Variants in LARGE1 observed in about 807,000 individuals in gnomAD.
LARGE1 encodes the protein xylosyl- and glucuronyltransferase LARGE1.
Under a neutral mutation model 87.6 loss-of-function variants are expected in LARGE1, and 43 were observed. The ratio of observed to expected loss-of-function variants is 0.49; its 90% CI spans 0.38 to 0.63. The LOEUF (loss-of-function observed/expected upper bound fraction) is 0.63, where lower values mean the gene tolerates loss of function less well. LARGE1 is among the 30% of genes least tolerant of loss of function. LARGE1 has a pLI of 0.00. For missense variants in LARGE1, 802 were observed against 1,000.2 expected (o/e 0.80, Z 2.67); for synonymous variants, 434 against 394.6 (o/e 1.10, Z -1.18).
chr22:33,674,893 A>T (rs141965498), intron 2 of LARGE1, among the ~76,000 whole-genome samples: 64 of 152,174 alleles, frequency 4.2e-4, no homozygotes, highest in African/African-American at 1.5e-3. Context: ...CTGAGTGCAG[A>T]AGTTTCAAAT....
At chr22:33,093,449 G>T in the LARGE1 span, among the ~76,000 whole-genome samples, 1 of 152,182 alleles carries the variant, frequency 6.6e-6, no homozygotes, top group Non-Finnish European at 1.5e-5. Context: ...TCATGGGAGA[G>T]GTAGAGGAGG....
intron 9 of LARGE1, among the ~76,000 whole-genome samples, chr22:33,364,735 T>C (rs1208184375): frequency 6.6e-6 from 1 of 152,132 alleles, no homozygotes; most frequent in Non-Finnish European, 1.5e-5. Flanking sequence ...TTTGTTTTGT[T>C]GCCCAGGTTG....
chr22:33,598,362 G>T (rs1230704143), intron 5 of LARGE1, among the ~76,000 whole-genome samples: 1 of 152,198 alleles, frequency 6.6e-6, no homozygotes, highest in African/African-American at 2.4e-5. Context: ...TAAAACATGA[G>T]AAATGAAGTA....
intron 2 of LARGE1, among the ~76,000 whole-genome samples, chr22:33,691,965 T>A (rs1020673355): frequency 1.3e-5 from 2 of 152,150 alleles, no homozygotes; most frequent in South Asian, 4.1e-4. Flanking sequence ...TCTCCCTCAT[T>A]ACATCACTGA....
the LARGE1 span, among the ~76,000 whole-genome samples, chr22:33,093,887 G>A: frequency 7.2e-6 from 1 of 138,226 alleles, no homozygotes; most frequent in Non-Finnish European, 1.5e-5. Flanking sequence ...GAGTGCAATG[G>A]TGCAATCTTA....
intron 5 of LARGE1, among the ~76,000 whole-genome samples, chr22:33,585,089 C>T (rs1466208352): frequency 1.3e-5 from 2 of 152,114 alleles, no homozygotes; most frequent in Non-Finnish European, 2.9e-5. Context: ...TGCATTCCAG[C>T]CTGGGTGACA....
intron 4 of LARGE1, among the ~76,000 whole-genome samples, chr22:33,606,650 C>T (rs1191621228): frequency 6.6e-6 from 1 of 151,982 alleles, no homozygotes; most frequent in Non-Finnish European, 1.5e-5. Context: ...GCATCTGTCC[C>T]GCAGTTGCTC....
At chr22:33,073,342 TA>T in the LARGE1 span, among the ~76,000 whole-genome samples, 2 of 152,322 alleles carry the variant, frequency 1.3e-5, no homozygotes, top group Middle Eastern at 3.4e-3. Context: ...TGCACACACG[TA>T]ACCCTGATTA....
At chr22:33,120,333 CTTTCTTTTTCTTTCT>C in the LARGE1 span, among the ~76,000 whole-genome samples, 2 of 148,408 alleles carry the variant, frequency 1.3e-5, no homozygotes, top group African/African-American at 2.5e-5. Context: ...TTCTTTCTTT[CTTTCTTTTTCTTTCT>C]TTTCTTTCTT....
At chr22:33,556,410 A>AT (rs1479223449) in intron 6 of LARGE1, among the ~76,000 whole-genome samples, 1 of 151,960 alleles carries the variant, frequency 6.6e-6, no homozygotes, top group Non-Finnish European at 1.5e-5. Flanking sequence ...GTCTCAGTTA[A>AT]TATTTTACCC....
At chr22:33,124,755 C>T in the LARGE1 span, among the ~76,000 whole-genome samples, 1 of 152,108 alleles carries the variant, frequency 6.6e-6, no homozygotes, top group East Asian at 1.9e-4. Flanking sequence ...TGATCCCAGC[C>T]CTTTGGGAAG....
chr22:33,067,840 C>G, the LARGE1 span, among the ~76,000 whole-genome samples: 339 of 152,104 alleles, frequency 2.2e-3, 4 homozygotes, highest in African/African-American at 7.9e-3. Context: ...ATTAGCCAGG[C>G]GTGGTGGCGG....
intron 11 of LARGE1, among the ~76,000 whole-genome samples, chr22:33,205,969 T>C (rs1478754585): frequency 1.4e-5 from 2 of 145,838 alleles, no homozygotes; most frequent in Non-Finnish European, 3.0e-5. Context: ...TTTTTTTTTT[T>C]TGTGAGAGGG....
chr22:33,630,997 C>T (rs1293900805), intron 3 of LARGE1, among the ~76,000 whole-genome samples: 1 of 151,876 alleles, frequency 6.6e-6, no homozygotes, highest in African/African-American at 2.4e-5. Flanking sequence ...GGACTACAGG[C>T]GCCTGCCACC....
chr22:33,779,741 G>A (rs768405708), intron 1 of LARGE1, among the ~76,000 whole-genome samples: 5 of 150,756 alleles, frequency 3.3e-5, no homozygotes, highest in African/African-American at 9.7e-5. Context: ...AGCCAAGATC[G>A]CGCAACTGCA....
chr22:33,199,498 A>G (rs1924261220), intron 11 of LARGE1, among the ~76,000 whole-genome samples: 1 of 152,100 alleles, frequency 6.6e-6, no homozygotes, highest in South Asian at 2.1e-4. Context: ...CAGGTCTTAC[A>G]TTTAGGTTTT....
Position 33,620,749 on chromosome 22 carries a change from C to A in LARGE1, c.491+5495G>T, listed in dbSNP as rs138465387. ...CCAGCCAGGCTAACATGGTAAAACC[C>A]CATCTCCACTAAAAAAAATTAGCCG... On this transcript the variant is annotated intron_variant, in intron 4 of 14. Coordinates refer to ENST00000397394, the MANE Select transcript of LARGE1 (RefSeq NM_133642.5). 3.7e-3 allele frequency among the ~76,000 whole-genome samples: 556 copies of A among 152,152 alleles called. 5 individuals carry two copies. The highest frequency in any genetic ancestry group is 0.013 in the African/African-American group (520 of 41,508).
At chr22:33,250,348 T>C (rs1435220443) in intron 11 of LARGE1, among the ~76,000 whole-genome samples, 3 of 152,228 alleles carry the variant, frequency 2.0e-5, no homozygotes, top group Non-Finnish European at 4.4e-5. Context: ...AAGAAAGCAA[T>C]TGATGTTTAT....
chr22:33,309,716 G>C (rs1935351901), intron 11 of LARGE1, among the ~76,000 whole-genome samples: 1 of 152,196 alleles, frequency 6.6e-6, no homozygotes, highest in Non-Finnish European at 1.5e-5. Context: ...AAAGTCTGGG[G>C]GGAAAGCTCT....
Sources: allele counts gnomAD v4.1 joint callset (sites outside exome capture counted in the v4.1 genomes callset), GRCh38; gene constraint gnomAD v4.1.1; transcripts MANE v1.5; gene names NCBI Gene and HGNC (gene_info 2026-07-23, HGNC 2026-07-21).